The following TBL1XR1 variants were observed in gnomAD, a reference collection of about 807,000 sequenced individuals.
The protein encoded by TBL1XR1 is TBL1X/Y related 1.
Under a neutral mutation model 66.9 loss-of-function variants are expected in TBL1XR1, and 5 were observed. That is an observed-to-expected ratio of 0.07 (90% CI 0.04 to 0.16). The LOEUF is 0.16. TBL1XR1 is among the 10% of genes least tolerant of loss of function. The pLI is 1.00. For synonymous variants in TBL1XR1, 210 were observed against 206.0 expected (o/e 1.02, Z -0.17); for missense variants, 238 against 623.2 (o/e 0.38, Z 6.58).
chr3:177,064,671 CAG>C (rs1453384961), intron 3 of TBL1XR1, among the ~76,000 whole-genome samples: 2 of 152,116 alleles, frequency 1.3e-5, no homozygotes, highest in Non-Finnish European at 2.9e-5. Context: ...CACCTCATAA[CAG>C]ATTATAAAAA....
Position 177,034,244 on chromosome 3 carries a change from T to C in TBL1XR1, c.1204A>G (p.Thr402Ala), listed in dbSNP as rs1179402194. The change falls in exon 13 of 16, where the codon ACA becomes GCA. Residue 402 changes from threonine (T) to alanine (A), a missense_variant. Transcript: ENST00000457928. ...KEIYTIKWSP[T>A]GPGTNNPNAN... ...TTTGGATTATTAGTCCCTGGTCCTG[T>C]TGGACTCCATTTGATAGTATAAATT... is the stretch of plus-strand genomic sequence containing the variant. 1.9e-6 allele frequency: 3 copies of C among 1,601,720 alleles called. No individual in the cohort carries two copies. The highest frequency in any genetic ancestry group is 4.5e-5 in the East Asian group (2 of 44,674).
At chr3:177,201,509 T>C (rs1449993247), upstream of TBL1XR1, among the ~76,000 whole-genome samples, 1 of 151,998 alleles carries the variant, frequency 6.6e-6, no homozygotes, top group Non-Finnish European at 1.5e-5. Context: ...GCCTACACAT[T>C]TGCAACTTTC....
In TBL1XR1 at chr3:177,153,151, A is replaced by G. The variant is rs372715016; in HGVS notation, c.-122+43970T>C. Among the ~76,000 whole-genome samples the G allele has an allele frequency of 3.3e-5, 5 of 152,174 alleles. No individual in the cohort carries two copies. The East Asian group carries it at 9.6e-4, about 29-fold the overall frequency. The stretch of plus-strand genomic sequence containing the variant: ...TAGTGTCTCAAAAATAAAATAAAAT[A>G]AAATAAAGTGTTGAAGTAAAAAGAT... On this transcript the variant is annotated intron_variant, in intron 1 of 15. Transcript: ENST00000457928.
In TBL1XR1 at chr3:177,129,795, T is replaced by C. The variant is rs373895030; in HGVS notation, c.-121-31254A>G. On this transcript the variant is annotated intron_variant, in intron 1 of 15. Transcript: ENST00000457928. ...ATAGTGTTATAACACACACTGGTGGTAGAAATATCAATAACTACAACCTCC... is the reference window on the plus strand; with the variant it reads ...ATAGTGTTATAACACACACTGGTGGCAGAAATATCAATAACTACAACCTCC... Among the ~76,000 whole-genome samples the C allele has an allele frequency of 1.4e-4, 21 of 152,166 alleles. No homozygotes were observed. The South Asian group carries it at 3.9e-3, about 29-fold the overall frequency.
chr3:177,132,024 T>C (rs1178713452), intron 1 of TBL1XR1, among the ~76,000 whole-genome samples: 2 of 152,104 alleles, frequency 1.3e-5, no homozygotes, highest in East Asian at 3.8e-4. Context: ...TGATACCTGG[T>C]CAAAGTACCA....
In TBL1XR1 at chr3:177,063,187, G is replaced by T. The variant is rs138946625; in HGVS notation, c.58+1733C>A. Among the ~76,000 whole-genome samples, 885 of 152,140 alleles carry T rather than the reference G, an allele frequency of 5.8e-3. 12 individuals are homozygous for T. The highest frequency in any genetic ancestry group is 0.02 in the African/African-American group (836 of 41,488). On this transcript the variant is annotated intron_variant, in intron 3 of 15. Transcript: ENST00000457928. ...ATCTACTCGTTCAGAAATTAACCGA[G>T]AATATTATTTTACTGCTCCTTTTTA...
At chr3:177,199,028 C>T (rs540084263), upstream of TBL1XR1, among the ~76,000 whole-genome samples, 4 of 152,058 alleles carry the variant, frequency 2.6e-5, no homozygotes, top group Non-Finnish European at 5.9e-5. Context: ...GGGGGAGCTG[C>T]CAGAGGCCTT....
chr3:177,037,881 T>C, intron 12 of TBL1XR1: 1 of 490,074 alleles, frequency 2.0e-6, no homozygotes, highest in Non-Finnish European at 3.7e-6. Flanking sequence ...TCACAAGCCA[T>C]CATTTTAATA....
intron 1 of TBL1XR1, among the ~76,000 whole-genome samples, chr3:177,146,528 T>C (rs4629343): frequency 1.4e-5 from 2 of 139,656 alleles, no homozygotes; most frequent in Admixed American, 1.5e-4. Flanking sequence ...AGGCGGAGGT[T>C]GTGGTAAGCC....
intron 1 of TBL1XR1, among the ~76,000 whole-genome samples, chr3:177,144,418 T>C (rs1046487867): frequency 2.0e-5 from 3 of 152,026 alleles, no homozygotes; most frequent in Admixed American, 2.0e-4. Flanking sequence ...AGGCCAAAGG[T>C]CTCTGTTGCA....
intron 2 of TBL1XR1, among the ~76,000 whole-genome samples, chr3:177,074,924 T>C (rs969840108): frequency 1.3e-4 from 20 of 152,190 alleles, no homozygotes; most frequent in Non-Finnish European, 1.2e-4. Flanking sequence ...TTTAGGAATT[T>C]GTGGTTTATC....
chr3:177,108,665 G>C (rs1278799065), intron 1 of TBL1XR1, among the ~76,000 whole-genome samples: 1 of 152,104 alleles, frequency 6.6e-6, no homozygotes, highest in Non-Finnish European at 1.5e-5. Context: ...GTTAAAAATA[G>C]TATAGTATTA....
intron 2 of TBL1XR1, among the ~76,000 whole-genome samples, chr3:177,095,785 A>G (rs948123942): frequency 3.9e-5 from 6 of 152,142 alleles, no homozygotes; most frequent in Non-Finnish European, 7.4e-5. Flanking sequence ...ACCCTGCCGT[A>G]AAGTGCAATT....
intron 1 of TBL1XR1, among the ~76,000 whole-genome samples, chr3:177,156,828 G>A (rs1313802725): frequency 2.6e-5 from 4 of 152,098 alleles, no homozygotes; most frequent in Non-Finnish European, 5.9e-5. Context: ...AACTGGGAAT[G>A]GACAAAAAAT....
rs186299023 is a variant in TBL1XR1, at chr3:177,039,297, C to T, written c.926-863G>A. On this transcript the variant is annotated intron_variant, in intron 10 of 15. Transcript: ENST00000457928. ...TTGTACTATCTTTATCCTTAGTACA[C>T]ATGGTGAAGACCAGGTGAGATCATG... 7.2e-5 allele frequency among the ~76,000 whole-genome samples: 11 copies of T among 152,268 alleles called. No homozygotes were observed. In the East Asian group the frequency reaches 2.1e-3, roughly 29 times the overall value.
chr3:177,119,484 G>A (rs1167847052), intron 1 of TBL1XR1, among the ~76,000 whole-genome samples: 4 of 152,252 alleles, frequency 2.6e-5, no homozygotes, highest in South Asian at 2.1e-4. Context: ...AATGGTTAGG[G>A]GAAGGGGTGT....
intron 2 of TBL1XR1, among the ~76,000 whole-genome samples, chr3:177,082,680 G>T (rs1721546614): frequency 1.4e-5 from 2 of 141,812 alleles, no homozygotes; most frequent in African/African-American, 5.2e-5. Flanking sequence ...TCCTGTCACA[G>T]TGGCTTTTTA....
intron 1 of TBL1XR1, among the ~76,000 whole-genome samples, chr3:177,112,094 TATATA>T (rs1379647642): frequency 2.0e-5 from 1 of 49,090 alleles, no homozygotes; most frequent in Non-Finnish European, 3.6e-5. Context: ...TATATATATA[TATATA>T]TATATATATT....
rs1282634331 is a variant in TBL1XR1, at chr3:177,034,303, T to C, written c.1145A>G (p.Asn382Ser). 6.3e-7 allele frequency: 1 copy of C among 1,587,830 alleles called. No homozygotes were observed. The highest frequency in any genetic ancestry group is 1.2e-5 in the South Asian group (1 of 84,716). ...ATGTGCTTGCAAATCATGGACACAATTGTCTTGTTTCATACTCCATATCTA... is the reference window on the plus strand; with the variant it reads ...ATGTGCTTGCAAATCATGGACACAACTGTCTTGTTTCATACTCCATATCTA... Reference protein sequence around the residue: ...TLKIWSMKQDNCVHDLQAHNK... With the variant: ...TLKIWSMKQDSCVHDLQAHNK... Residue 382 changes from asparagine (N) to serine (S), a missense_variant, in exon 13 of 16, where the codon AAT becomes AGT. Physicochemically the swap from Asn to Ser is conservative, Grantham distance 46 (BLOSUM62 1). Around this residue, in one of 8 missense-constraint regions of TBL1XR1, gnomAD observed 89 missense variants for 220.2 expected, o/e 0.40. Transcript: ENST00000457928.
Sources: allele counts gnomAD v4.1 joint callset (sites outside exome capture counted in the v4.1 genomes callset), GRCh38; gene constraint gnomAD v4.1.1; regional missense constraint gnomAD v4.1.1; transcripts MANE v1.5; gene names NCBI Gene and HGNC (gene_info 2026-07-23, HGNC 2026-07-21).